The following ENPP4 variants were observed in gnomAD, a reference collection of about 807,000 sequenced individuals.
ENPP4 encodes ectonucleotide pyrophosphatase/phosphodiesterase 4.
Under a neutral mutation model 33.4 loss-of-function variants are expected in ENPP4, and 18 were observed. The observed-to-expected ratio is 0.54, with a 90% CI of 0.37 to 0.80. The LOEUF is 0.80. Ranked by LOEUF, ENPP4 falls within the 30% of genes least tolerant of loss-of-function variation. The pLI is 0.00. For synonymous variants in ENPP4, 172 were observed against 189.9 expected, an observed-to-expected ratio of 0.91 and a Z score of 0.78; for missense variants, 480 against 541.7, an observed-to-expected ratio of 0.89 and a Z score of 1.13.
rs188494552 is a variant in ENPP4, at chr6:46,132,475, C to T, written c.-34+2286C>T. ...AGATTAGATAGTTGTAGATATGCGG[C>T]GTTATTTCTGAGGGCTCTGTTCTGT... On this transcript the variant is annotated intron_variant, in intron 1 of 3. Transcript: ENST00000321037. Among the ~76,000 whole-genome samples, 676 of 152,152 alleles carry T rather than the reference C, an allele frequency of 4.4e-3. 7 individuals carry two copies. The highest frequency in any genetic ancestry group is 0.015 in the African/African-American group (636 of 41,530).
At chr6:46,133,690 T>A (rs1480808227) in intron 1 of ENPP4, among the ~76,000 whole-genome samples, 4 of 152,146 alleles carry the variant, frequency 2.6e-5, no homozygotes, top group Non-Finnish European at 5.9e-5. Context: ...GTGTGAAAAA[T>A]TACAGAATTT....
intron 1 of ENPP4, among the ~76,000 whole-genome samples, chr6:46,135,071 T>A (rs1262437587): frequency 6.6e-6 from 1 of 152,170 alleles, no homozygotes; most frequent in East Asian, 1.9e-4. Flanking sequence ...TACATTTTAT[T>A]TATCCATTCA....
rs1428496141 is a variant in ENPP4 at position 46,145,124 on chromosome 6, A to G, written c.*1484A>G. On this transcript the variant is annotated 3_prime_UTR_variant, in exon 4 of 4. Coordinates refer to ENST00000321037, the MANE Select transcript of ENPP4 (RefSeq NM_014936.5). ...TTTGACAATATAAAATAAACTTGGTAACTGTTTTACAAATATAAAAGTATA... is the reference window on the plus strand; with the variant it reads ...TTTGACAATATAAAATAAACTTGGTGACTGTTTTACAAATATAAAAGTATA... 1 of 386,824 alleles carries G rather than the reference A, an allele frequency of 2.6e-6. No individual in the cohort carries two copies. The highest frequency in any genetic ancestry group is 2.1e-5 in the African/African-American group (1 of 48,248). The allele number at this position is 386,824 out of a possible 1,614,324, so 24.0% of individuals were successfully genotyped here. A position where few individuals can be genotyped will look rare whatever the true frequency, so the allele number is the denominator to read the frequency against.
At chr6:46,142,880 C>T (rs1386725834) in intron 3 of ENPP4, among the ~76,000 whole-genome samples, 1 of 151,748 alleles carries the variant, frequency 6.6e-6, no homozygotes, top group East Asian at 1.9e-4. Flanking sequence ...CATTTGTTGG[C>T]CTTACTCACT....
chr6:46,131,400 A>G (rs1211935033), intron 1 of ENPP4, among the ~76,000 whole-genome samples: 4 of 151,622 alleles, frequency 2.6e-5, no homozygotes, highest in African/African-American at 9.7e-5. Flanking sequence ...ATGAGTGAGA[A>G]TATGCAGTGT....
chr6:46,131,479 A>T (rs141352644), intron 1 of ENPP4, among the ~76,000 whole-genome samples: 2,886 of 152,178 alleles, frequency 0.019, 92 homozygotes, highest in African/African-American at 0.065. Context: ...CCTACAAAGG[A>T]CATGAACTCA....
At position 46,142,955 on chromosome 6, in the gene ENPP4, C is replaced by T. The variant is rs149155372; in HGVS notation, c.998-321C>T. On this transcript the variant is annotated intron_variant, in intron 3 of 3. Transcript: ENST00000321037. ...CTGTCTTTATAACTGGTACTGCTTG[C>T]AGTGAGCTTTTGCAAACAGTGCTGA... Among the ~76,000 whole-genome samples, 606 of 151,818 alleles carry T rather than the reference C, an allele frequency of 4.0e-3. 7 individuals are homozygous for T. Among genetic ancestry groups the T allele is most frequent in the Non-Finnish European group, 4.6e-3 (310 of 67,774 alleles).
intron 1 of ENPP4, among the ~76,000 whole-genome samples, chr6:46,132,557 G>T (rs1763915783): frequency 6.6e-6 from 1 of 152,176 alleles, no homozygotes; most frequent in South Asian, 2.1e-4. Context: ...GGTTACTGTG[G>T]ACTTGTAGTA....
chr6:46,138,258 C>A (rs530635809), intron 1 of ENPP4, among the ~76,000 whole-genome samples: 2 of 151,922 alleles, frequency 1.3e-5, no homozygotes, highest in Admixed American at 6.6e-5. Flanking sequence ...ATGCTGCAGC[C>A]CCAATTTCAG....
chr6:46,139,973 A>G lies in ENPP4; in HGVS notation c.390A>G (p.Ser130=). The stretch of plus-strand genomic sequence containing the variant: ...CCAATCAGCTTCAGGAAAACAGATC[A>G]AGTGCTGCTGCTATGTGGCCTGGTA... ...WVTNQLQENR[S]SAAAMWPGTD... Residue 130 remains serine, a synonymous_variant, in exon 2 of 4, where the codon TCA becomes TCG. Coordinates refer to ENST00000321037, the MANE Select transcript of ENPP4 (RefSeq NM_014936.5). 7 of 1,612,870 alleles carry G rather than the reference A, an allele frequency of 4.3e-6. No individual in the cohort carries two copies. The highest frequency in any genetic ancestry group is 5.9e-6 in the Non-Finnish European group (7 of 1,179,140).
At position 46,140,426 on chromosome 6, in the gene ENPP4, C is replaced by A; in HGVS notation, c.826+17C>A. 7.1e-7 allele frequency: 1 copy of A among 1,403,072 alleles called. No individual in the cohort carries two copies. The highest frequency in any genetic ancestry group is 9.7e-7 in the Non-Finnish European group (1 of 1,027,470). The allele number at this position is 1,403,072 out of a possible 1,614,324, so 86.9% of individuals were successfully genotyped here. ...CCAAAATAAGTAAGTAAACATTCAA[C>A]TGAGGGATACTATTATTCGAATGGG... On this transcript the variant is annotated intron_variant, in intron 2 of 3. Coordinates refer to ENST00000321037, the MANE Select transcript of ENPP4 (RefSeq NM_014936.5).
rs371058340 is a variant in ENPP4, at chr6:46,140,452, G to A, written c.826+43G>A. The stretch of plus-strand genomic sequence containing the variant: ...TGAGGGATACTATTATTCGAATGGG[G>A]CAATTGATTGAGGGGGGTGGGTTGT... On this transcript the variant is annotated intron_variant, in intron 2 of 3. Transcript: ENST00000321037. 4 of 1,203,056 alleles carry A rather than the reference G, an allele frequency of 3.3e-6. No homozygotes were observed. The African/African-American group carries it at 6.1e-5, about 18-fold the overall frequency. The allele number at this position is 1,203,056 out of a possible 1,614,324, so 74.5% of individuals were successfully genotyped here.
At position 46,139,651 on chromosome 6, in the gene ENPP4, G is replaced by A; in HGVS notation, c.68G>A (p.Ser23Asn). The A allele has an allele frequency of 6.2e-7, 1 of 1,611,034 alleles. No homozygotes were observed. The highest frequency in any genetic ancestry group is 8.5e-7 in the Non-Finnish European group (1 of 1,177,998). ...GGTTTTAGAAGTGACTCTTCCTCTAGTTTGCCACCTAAGTTACTACTAGTA... is the reference window on the plus strand; with the variant it reads ...GGTTTTAGAAGTGACTCTTCCTCTAATTTGCCACCTAAGTTACTACTAGTA... ...ITGFRSDSSS[S>N]LPPKLLLVSF... The change falls in exon 2 of 4, where the codon AGT becomes AAT. Residue 23 changes from serine (S) to asparagine (N), a missense_variant. Physicochemically the swap from Ser to Asn is conservative, Grantham distance 46. Transcript: ENST00000321037.
intron 1 of ENPP4, among the ~76,000 whole-genome samples, chr6:46,131,535 A>G (rs1180771989): frequency 3.3e-5 from 5 of 151,900 alleles, no homozygotes; most frequent in African/African-American, 1.2e-4. Flanking sequence ...TATGTGCCAC[A>G]TTTTCTTAAT....
rs990574371 is a variant in ENPP4, at chr6:46,142,411, TTATAA to T, written c.998-860_998-856del. Among the ~76,000 whole-genome samples the T allele has an allele frequency of 2.4e-4, 21 of 88,396 alleles. No homozygotes were observed. The South Asian group carries it at 6.5e-3, about 27-fold the overall frequency. The allele number at this position is 88,396 out of a possible 152,430, so 58.0% of individuals were successfully genotyped here. A position where few individuals can be genotyped will look rare whatever the true frequency, so the allele number is the denominator to read the frequency against. ...ATATATAATATATAATTACATATAA[TTATAA>T]TATATATTTTCTACATATATATGTA... is the stretch of plus-strand genomic sequence containing the variant. On this transcript the variant is annotated intron_variant, in intron 3 of 3. Coordinates refer to ENST00000321037, the MANE Select transcript of ENPP4 (RefSeq NM_014936.5).
intron 1 of ENPP4, among the ~76,000 whole-genome samples, chr6:46,134,173 G>A (rs1763943277): frequency 6.6e-6 from 1 of 151,954 alleles, no homozygotes; most frequent in African/African-American, 2.4e-5. Context: ...TAACTAGAAT[G>A]ATAAAGGGAA....
intron 1 of ENPP4, among the ~76,000 whole-genome samples, chr6:46,134,917 C>T (rs1763956879): frequency 6.6e-6 from 1 of 151,720 alleles, no homozygotes; most frequent in Admixed American, 6.6e-5. Flanking sequence ...TTTGCCTGTT[C>T]TAGACATTTT....
chr6:46,144,482 G>T lies in ENPP4; in HGVS notation c.*842G>T, dbSNP rs531673059. ...TATATAAGGAGGTCAGAGATGGACT[G>T]TGGCCAGGCTTCCACATTCCTGAAG... On this transcript the variant is annotated 3_prime_UTR_variant, in exon 4 of 4. Transcript: ENST00000321037. 6.6e-6 allele frequency: 1 copy of T among 152,160 alleles called. No homozygotes were observed. Among genetic ancestry groups the T allele is most frequent in the Non-Finnish European group, 1.5e-5 (1 of 68,068 alleles). 9.4% of individuals were successfully genotyped at this position (152,160 alleles called of 1,614,324 possible). A position where few individuals can be genotyped will look rare whatever the true frequency, so the allele number is the denominator to read the frequency against.
rs150522182 is a variant in ENPP4, at chr6:46,141,052, A to C, written c.827A>C (p.Asn276Thr). ...TTTGCTGTTTCTTTTTTTTTCTCAG[A>C]TAGAACAGAGGTTTATAACAAACTG... is the stretch of plus-strand genomic sequence containing the variant. ...SPVAAILPKI[N>T]RTEVYNKLKN... Residue 276 changes from asparagine to threonine, a missense_variant and splice_region_variant, in exon 3 of 4, where the codon AAT becomes ACT. By Grantham distance (65) the Asn-to-Thr change is moderately conservative (BLOSUM62 0). Around this residue, in one of 3 missense-constraint regions of ENPP4, gnomAD observed 249 missense variants for 251.8 expected, o/e 0.99. Coordinates refer to ENST00000321037, the MANE Select transcript of ENPP4 (RefSeq NM_014936.5). 1.3e-6 allele frequency: 2 copies of C among 1,558,690 alleles called. No individual in the cohort carries two copies. The highest frequency in any genetic ancestry group is 1.7e-6 in the Non-Finnish European group (2 of 1,154,932).
Sources: gnomAD v4.1 joint callset for allele counts (sites outside exome capture counted in the v4.1 genomes callset) on GRCh38, gnomAD v4.1.1 for gene constraint, gnomAD v4.1.1 regional missense constraint, MANE v1.5 for transcripts, NCBI Gene and HGNC (gene_info 2026-07-23, HGNC 2026-07-21) for gene names.